SPOCK1: variants seen among roughly 807,000 people sequenced by gnomAD.
SPOCK1 encodes SPARC (osteonectin), cwcv and kazal like domains proteoglycan 1.
In SPOCK1, 23 loss-of-function variants were observed where a neutral mutation model predicts 55.3. That is an observed-to-expected ratio of 0.42 (90% confidence interval 0.30 to 0.59). The LOEUF is 0.59. Ranked by LOEUF, SPOCK1 falls within the 20% of genes least tolerant of loss-of-function variation. SPOCK1 has a pLI of 0.22. For synonymous variants in SPOCK1, 226 were observed against 221.0 expected (o/e 1.02, Z -0.20); for missense variants, 499 against 552.5 (o/e 0.90, Z 0.97).
intron 3 of SPOCK1, among the ~76,000 whole-genome samples, chr5:137,249,514 T>G (rs1308973273): frequency 6.6e-6 from 1 of 152,186 alleles, no homozygotes; most frequent in Non-Finnish European, 1.5e-5. Flanking sequence ...CATACATACA[T>G]ACTGATATAT....
At chr5:137,030,029 T>C (rs1452951576) in intron 6 of SPOCK1, among the ~76,000 whole-genome samples, 1 of 152,180 alleles carries the variant, frequency 6.6e-6, no homozygotes, top group Non-Finnish European at 1.5e-5. Flanking sequence ...TTTCTGTGGG[T>C]CAAAAATGTC....
At chr5:137,143,456 C>T (rs899198813) in intron 3 of SPOCK1, among the ~76,000 whole-genome samples, 11 of 151,032 alleles carry the variant, frequency 7.3e-5, no homozygotes, top group Admixed American at 2.0e-4. Context: ...TGGAACAGCA[C>T]GGACTCCAAG....
intron 4 of SPOCK1, among the ~76,000 whole-genome samples, chr5:137,138,554 G>A (rs10061126): frequency 0.4 from 60,915 of 151,036 alleles, 12,583 homozygotes; most frequent in Middle Eastern, 0.47. Flanking sequence ...AAACAACCTA[G>A]AGCACCATCC....
chr5:137,245,113 A>G (rs1205039621), intron 3 of SPOCK1, among the ~76,000 whole-genome samples: 1 of 152,186 alleles, frequency 6.6e-6, no homozygotes, highest in African/African-American at 2.4e-5. Flanking sequence ...TCCTCCGCAA[A>G]ATTAACAAGG....
intron 6 of SPOCK1, among the ~76,000 whole-genome samples, chr5:137,026,993 G>A: frequency 6.6e-6 from 1 of 152,156 alleles, no homozygotes. Flanking sequence ...TCCTTTAAAT[G>A]AATGAATAAA....
At chr5:137,162,690 T>C (rs1294900169) in intron 3 of SPOCK1, among the ~76,000 whole-genome samples, 3 of 152,128 alleles carry the variant, frequency 2.0e-5, no homozygotes, top group Admixed American at 1.3e-4. Context: ...ATGTCTGTAG[T>C]TATAAAGTCG....
chr5:137,166,465 GA>G (rs200938654), intron 3 of SPOCK1, among the ~76,000 whole-genome samples: 1,989 of 151,490 alleles, frequency 0.013, 45 homozygotes, highest in African/African-American at 0.045. Context: ...TGAGCAATAA[GA>G]CACCATCTGA....
chr5:137,382,758 T>C (rs889619018), intron 2 of SPOCK1, among the ~76,000 whole-genome samples: 1 of 152,202 alleles, frequency 6.6e-6, no homozygotes, highest in African/African-American at 2.4e-5. Flanking sequence ...CTCTTCCAAT[T>C]TGACATGAGA....
chr5:137,015,582 C>T (rs575759724), intron 6 of SPOCK1, among the ~76,000 whole-genome samples: 2 of 152,348 alleles, frequency 1.3e-5, no homozygotes, highest in Non-Finnish European at 2.9e-5. Flanking sequence ...CTGGGAAGCA[C>T]AGTCAGAGCC....
intron 5 of SPOCK1, among the ~76,000 whole-genome samples, chr5:137,110,889 T>C (rs922820533): frequency 1.3e-5 from 2 of 152,186 alleles, no homozygotes; most frequent in African/African-American, 2.4e-5. Flanking sequence ...TGATATGCTA[T>C]TGAATCCTAA....
At chr5:137,496,405 G>A (rs1754300281) in intron 2 of SPOCK1, among the ~76,000 whole-genome samples, 1 of 152,188 alleles carries the variant, frequency 6.6e-6, no homozygotes, top group African/African-American at 2.4e-5. Context: ...GATACACTGA[G>A]ACTAGAAAAT....
intron 2 of SPOCK1, among the ~76,000 whole-genome samples, chr5:137,483,544 C>A (rs996311925): frequency 3.3e-5 from 5 of 152,136 alleles, no homozygotes; most frequent in African/African-American, 1.2e-4. Context: ...GAACAACACT[C>A]TTACCTTCAT....
chr5:137,110,815 TG>T (rs1481799045), intron 5 of SPOCK1, among the ~76,000 whole-genome samples: 4 of 152,162 alleles, frequency 2.6e-5, no homozygotes, highest in African/African-American at 9.6e-5. Flanking sequence ...CCTAGCACAG[TG>T]CCTGGCACTA....
chr5:137,383,299 G>A (rs1229739), intron 2 of SPOCK1, among the ~76,000 whole-genome samples: 30,629 of 152,040 alleles, frequency 0.2, 3,176 homozygotes, highest in South Asian at 0.28. Context: ...TCAACAAATG[G>A]CAGCTCCATT....
At chr5:137,335,857 T>C (rs1274688023) in intron 2 of SPOCK1, among the ~76,000 whole-genome samples, 3 of 152,204 alleles carry the variant, frequency 2.0e-5, no homozygotes, top group Non-Finnish European at 4.4e-5. Context: ...CTGAACTACA[T>C]TATAAAGCAT....
chr5:137,216,438 C>A (rs940355344), intron 3 of SPOCK1, among the ~76,000 whole-genome samples: 9 of 152,210 alleles, frequency 5.9e-5, no homozygotes, highest in African/African-American at 2.2e-4. Context: ...AGGCCGGGTG[C>A]AGTGGCTCAT....
At chr5:137,391,361 C>T (rs1186846539) in intron 2 of SPOCK1, among the ~76,000 whole-genome samples, 5 of 152,030 alleles carry the variant, frequency 3.3e-5, no homozygotes, top group South Asian at 2.1e-4. Flanking sequence ...AATAAGTATA[C>T]GTGTGCTGGT....
intron 3 of SPOCK1, among the ~76,000 whole-genome samples, chr5:137,193,620 T>C (rs1271448586): frequency 3.3e-5 from 5 of 152,126 alleles, no homozygotes; most frequent in Non-Finnish European, 7.3e-5. Context: ...CCGCCTCTGA[T>C]GAAATAACCT....
intron 2 of SPOCK1, among the ~76,000 whole-genome samples, chr5:137,298,150 G>C (rs552674110): frequency 6.6e-6 from 1 of 152,156 alleles, no homozygotes; most frequent in Non-Finnish European, 1.5e-5. Context: ...ACTTTTAACA[G>C]TGCTATGTGT....
Sources: allele counts gnomAD v4.1 joint callset (sites outside exome capture counted in the v4.1 genomes callset), GRCh38; gene constraint gnomAD v4.1.1; transcripts MANE v1.5; gene names NCBI Gene and HGNC (gene_info 2026-07-23, HGNC 2026-07-21).